SPIRE1: variants seen among roughly 807,000 people sequenced by gnomAD.
The protein encoded by SPIRE1 is spire type actin nucleation factor 1, also known as protein spire homolog 1.
Under a neutral mutation model 94.1 loss-of-function variants are expected in SPIRE1, and 40 were observed. The ratio of observed to expected loss-of-function variants is 0.43; its 90% CI spans 0.33 to 0.55. The LOEUF (loss-of-function observed/expected upper bound fraction) is 0.55, where lower values mean the gene tolerates loss of function less well. Ranked by LOEUF, SPIRE1 falls within the 20% of genes least tolerant of loss-of-function variation. SPIRE1 has a pLI of 0.06. For missense variants in SPIRE1, 838 were observed against 975.2 expected, an observed-to-expected ratio of 0.86 and a Z score of 1.87; for synonymous variants, 376 against 371.7, an observed-to-expected ratio of 1.01 and a Z score of -0.13.
At chr18:12,460,435 G>A (rs576001645) in intron 12 of SPIRE1, among the ~76,000 whole-genome samples, 6 of 152,276 alleles carry the variant, frequency 3.9e-5, no homozygotes, top group East Asian at 1.9e-4. Context: ...ATTATCAGCC[G>A]GGCACAGTGG....
intron 2 of SPIRE1, among the ~76,000 whole-genome samples, chr18:12,611,647 A>G (rs9965123): frequency 0.56 from 85,052 of 152,004 alleles, 24,969 homozygotes; most frequent in Middle Eastern, 0.76. Flanking sequence ...TGTTGTTTTA[A>G]GTGACTCTTA....
At chr18:12,605,853 C>G (rs2036960035) in intron 2 of SPIRE1, among the ~76,000 whole-genome samples, 1 of 152,134 alleles carries the variant, frequency 6.6e-6, no homozygotes, top group African/African-American at 2.4e-5. Flanking sequence ...TTACTGTACC[C>G]AATGGGGCCC....
At chr18:12,656,307 C>T (rs1021771631) in intron 1 of SPIRE1, among the ~76,000 whole-genome samples, 1 of 151,816 alleles carries the variant, frequency 6.6e-6, no homozygotes, top group Non-Finnish European at 1.5e-5. Flanking sequence ...AGCAATAAGC[C>T]CATCAAAGAA....
At chr18:12,582,925 C>T (rs2036296126) in intron 2 of SPIRE1, among the ~76,000 whole-genome samples, 1 of 152,130 alleles carries the variant, frequency 6.6e-6, no homozygotes, top group African/African-American at 2.4e-5. Flanking sequence ...GAACTTAGTA[C>T]AAAGATCAGA....
chr18:12,593,211 T>A (rs1274309474), intron 2 of SPIRE1, among the ~76,000 whole-genome samples: 1 of 152,250 alleles, frequency 6.6e-6, no homozygotes, highest in African/African-American at 2.4e-5. Flanking sequence ...CTATAACCTA[T>A]TAACTGTCTC....
chr18:12,653,930 G>C (rs2038451179), intron 1 of SPIRE1, among the ~76,000 whole-genome samples: 1 of 146,462 alleles, frequency 6.8e-6, no homozygotes, highest in South Asian at 2.2e-4. Flanking sequence ...TGGGCAACAA[G>C]AGCAAAACTC....
intron 6 of SPIRE1, among the ~76,000 whole-genome samples, chr18:12,498,167 T>G (rs1449653872): frequency 6.6e-6 from 1 of 152,158 alleles, no homozygotes; most frequent in Non-Finnish European, 1.5e-5. Context: ...CCTCAAAAAG[T>G]TTGCTGGAGC....
chr18:12,462,927 A>G (rs1199117215), intron 12 of SPIRE1, among the ~76,000 whole-genome samples: 1 of 151,968 alleles, frequency 6.6e-6, no homozygotes, highest in Non-Finnish European at 1.5e-5. Context: ...AGAAGGTGTC[A>G]CTCTGCTGCC....
intron 14 of SPIRE1, 38 bp downstream of exon 14, chr18:12,453,030 G>A (rs1294004125): frequency 1.2e-5 from 16 of 1,350,344 alleles, no homozygotes; most frequent in Non-Finnish European, 1.5e-5. Context: ...TCTTACGACT[G>A]TTAAATTTAT....
chr18:12,525,062 G>C (rs950350639), intron 4 of SPIRE1, among the ~76,000 whole-genome samples: 8 of 151,620 alleles, frequency 5.3e-5, no homozygotes, highest in African/African-American at 1.9e-4. Flanking sequence ...AGATCATGAG[G>C]TCAGGAGATC....
At chr18:12,511,518 C>T (rs867719908) in intron 5 of SPIRE1, among the ~76,000 whole-genome samples, 2 of 152,036 alleles carry the variant, frequency 1.3e-5, no homozygotes, top group African/African-American at 2.4e-5. Context: ...GTCTCTGGTA[C>T]CAAAAAGGTT....
intron 2 of SPIRE1, among the ~76,000 whole-genome samples, chr18:12,560,557 A>G (rs563883293): frequency 4.1e-4 from 62 of 152,342 alleles, no homozygotes; most frequent in African/African-American, 1.2e-3. Flanking sequence ...TTCTGGAGAT[A>G]GCAGAAGGAA....
intron 6 of SPIRE1, among the ~76,000 whole-genome samples, chr18:12,498,534 C>G (rs1465134776): frequency 3.3e-5 from 5 of 152,172 alleles, no homozygotes; most frequent in Non-Finnish European, 7.4e-5. Context: ...AGGTGTGAGT[C>G]TGGGCGCCCG....
chr18:12,565,537 G>A (rs1567937770), intron 2 of SPIRE1, among the ~76,000 whole-genome samples: 1 of 151,786 alleles, frequency 6.6e-6, no homozygotes, highest in African/African-American at 2.4e-5. Context: ...ACCATGCCTG[G>A]CTAATTTTTG....
At position 12,657,732 on chromosome 18, in the gene SPIRE1, G is replaced by A. The variant is rs777939259; in HGVS notation, c.135C>T (p.Ile45=). The part of the protein sequence containing the change: ...GSRDALSLEE[I]LRLYNQPINE... Reference sequence around the variant, plus strand: ...TGATGGGCTGGTTGTACAGCCGCAGGATCTCCTCCAGGCTCAGCGCGTCCC... The same window carrying A: ...TGATGGGCTGGTTGTACAGCCGCAGAATCTCCTCCAGGCTCAGCGCGTCCC... The change falls in exon 1 of 17, where the codon ATC becomes ATT. Residue 45 remains isoleucine (I), a synonymous_variant. Coordinates refer to ENST00000409402, the MANE Select transcript of SPIRE1 (RefSeq NM_001128626.2). The A allele has an allele frequency of 1.4e-6, 2 of 1,402,102 alleles. No individual in the cohort carries two copies. The highest frequency in any genetic ancestry group is 1.5e-5 in the African/African-American group (1 of 66,756). 86.9% of individuals were successfully genotyped at this position (1,402,102 alleles called of 1,614,324 possible).
At chr18:12,651,048 C>T (rs2038365995) in intron 1 of SPIRE1, among the ~76,000 whole-genome samples, 2 of 152,254 alleles carry the variant, frequency 1.3e-5, no homozygotes, top group South Asian at 4.1e-4. Flanking sequence ...GGTAAATTCA[C>T]CACTGTGTTT....
At chr18:12,633,395 G>T (rs907092394) in intron 2 of SPIRE1, among the ~76,000 whole-genome samples, 7 of 152,020 alleles carry the variant, frequency 4.6e-5, no homozygotes, top group Non-Finnish European at 7.4e-5. Flanking sequence ...TGGCCAACAT[G>T]GTAAAACCCC....
intron 4 of SPIRE1, among the ~76,000 whole-genome samples, chr18:12,525,405 TAATAC>T (rs1349242777): frequency 1.3e-5 from 2 of 150,868 alleles, no homozygotes; most frequent in African/African-American, 4.9e-5. Context: ...TTAAAATATA[TAATAC>T]ATTAATATAG....
At position 12,615,327 on chromosome 18, in the gene SPIRE1, C is replaced by CAAAA. The variant is rs1234229698; in HGVS notation, c.372+19731_372+19734dup. On this transcript the variant is annotated intron_variant, in intron 2 of 16. Coordinates refer to ENST00000409402, the MANE Select transcript of SPIRE1 (RefSeq NM_001128626.2). ...GGGCAACAAGAGTGAAACTCTGTCT[C>CAAAA]AAAAAAAAAAAAAAAAAAATATATA... is the stretch of plus-strand genomic sequence containing the variant. Among the ~76,000 whole-genome samples the CAAAA allele has an allele frequency of 6.4e-3, 14 of 2,188 alleles. 2 individuals are homozygous for CAAAA. Among genetic ancestry groups the CAAAA allele is most frequent in the Admixed American group, 0.015 (2 of 134 alleles). 1.4% of individuals were successfully genotyped at this position (2,188 alleles called of 152,430 possible).
Sources: allele counts gnomAD v4.1 joint callset (sites outside exome capture counted in the v4.1 genomes callset), GRCh38; gene constraint gnomAD v4.1.1; transcripts MANE v1.5; gene names NCBI Gene and HGNC (gene_info 2026-07-23, HGNC 2026-07-21).